The following IL1RL2 variants were observed in gnomAD, a reference collection of about 807,000 sequenced individuals.
IL1RL2 encodes the protein interleukin 1 receptor like 2, also known as interleukin-1 receptor-like 2.
IL1RL2 carries 68 observed loss-of-function variants against 66.8 expected under a neutral mutation model. The observed-to-expected ratio is 1.02, with a 90% CI of 0.84 to 1.25. The LOEUF (loss-of-function observed/expected upper bound fraction) is 1.25. IL1RL2 is among the 50% of genes most tolerant of loss of function. The probability of loss-of-function intolerance (pLI) is 0.00; values close to 1 mark genes in which losing one functional copy is unlikely to be tolerated. For missense variants in IL1RL2, 729 were observed against 709.3 expected (o/e 1.03, Z -0.32); for synonymous variants, 305 against 264.6 (o/e 1.15, Z -1.48).
intron 4 of IL1RL2, among the ~76,000 whole-genome samples, chr2:102,193,831 T>C (rs1687438702): frequency 6.6e-6 from 1 of 152,240 alleles, no homozygotes; most frequent in African/African-American, 2.4e-5. Flanking sequence ...GATCCTCTTC[T>C]GAACTGCCCA....
intron 9 of IL1RL2, among the ~76,000 whole-genome samples, chr2:102,228,805 C>T (rs1162998966): frequency 6.6e-6 from 1 of 152,216 alleles, no homozygotes; most frequent in Non-Finnish European, 1.5e-5. Flanking sequence ...CCACTGTGTG[C>T]CATTCACAAC....
intron 5 of IL1RL2, among the ~76,000 whole-genome samples, chr2:102,211,358 G>A (rs529467484): frequency 3.3e-4 from 50 of 152,248 alleles, no homozygotes; most frequent in African/African-American, 1.2e-3. Context: ...TCAATACAGG[G>A]AGATAATGCT....
At chr2:102,203,406 A>G (rs2104767278) in intron 5 of IL1RL2, among the ~76,000 whole-genome samples, 1 of 152,034 alleles carries the variant, frequency 6.6e-6, no homozygotes, top group South Asian at 2.1e-4. Context: ...GGCCTCATAA[A>G]ATGAATTTGG....
chr2:102,205,484 A>C (rs1245630139), intron 5 of IL1RL2, among the ~76,000 whole-genome samples: 1 of 152,032 alleles, frequency 6.6e-6, no homozygotes, highest in Non-Finnish European at 1.5e-5. Flanking sequence ...GGGAAAGTCT[A>C]TTTCTTCTTC....
In IL1RL2 at chr2:102,219,101, T is replaced by A; in HGVS notation, c.854+19T>A. On this transcript the variant is annotated intron_variant, in intron 7 of 11. Coordinates refer to ENST00000264257, the MANE Select transcript of IL1RL2 (RefSeq NM_003854.4). ...GGGTGGAGTAGGTGTTTTGCTTTTT[T>A]GACTTCTCTAAACGCTAGCAAGGAT... is the stretch of plus-strand genomic sequence containing the variant. 1 of 1,613,582 alleles carries A rather than the reference T, an allele frequency of 6.2e-7. No homozygotes were observed. Among genetic ancestry groups the A allele is most frequent in the South Asian group, 1.1e-5 (1 of 91,076 alleles).
At chr2:102,221,519 CGTT>C (rs1168128800) in intron 8 of IL1RL2, among the ~76,000 whole-genome samples, 1 of 152,158 alleles carries the variant, frequency 6.6e-6, no homozygotes, top group Admixed American at 6.5e-5. Flanking sequence ...GTATCTTCCA[CGTT>C]GTTCAGGCTC....
intron 8 of IL1RL2, among the ~76,000 whole-genome samples, chr2:102,220,586 G>T (rs140591907): frequency 6.6e-6 from 1 of 152,130 alleles, no homozygotes; most frequent in Non-Finnish European, 1.5e-5. Context: ...CTTTAAATTC[G>T]TAACCTATCA....
intron 9 of IL1RL2, among the ~76,000 whole-genome samples, chr2:102,228,097 G>T (rs1690793548): frequency 6.6e-6 from 1 of 152,162 alleles, no homozygotes; most frequent in African/African-American, 2.4e-5. Context: ...GCAGCCAGGG[G>T]TCCTTTTTTT....
In IL1RL2 at chr2:102,187,837, T is replaced by G; in HGVS notation, c.-12-19T>G. 1.7e-6 allele frequency: 2 copies of G among 1,181,612 alleles called. No homozygotes were observed. Among genetic ancestry groups the G allele is most frequent in the Non-Finnish European group, 2.4e-6 (2 of 837,670 alleles). 73.2% of individuals were successfully genotyped at this position (1,181,612 alleles called of 1,614,324 possible). Reference sequence around the variant, plus strand: ...CCTACTGCGTCCTCCCCTCCCACCCTCTTCTCCCTTCCTTGCAGCCCGGTT... The same window carrying G: ...CCTACTGCGTCCTCCCCTCCCACCCGCTTCTCCCTTCCTTGCAGCCCGGTT... On this transcript the variant is annotated intron_variant, in intron 1 of 11. Transcript: ENST00000264257.
chr2:102,201,823 T>C, intron 5 of IL1RL2, 108 bp downstream of exon 5: 1 of 1,080,932 alleles, frequency 9.3e-7, no homozygotes, highest in Non-Finnish European at 1.3e-6. Flanking sequence ...TAGGTCTTGG[T>C]TTCCCTGAAG....
At chr2:102,196,987 C>T (rs1422258289) in intron 4 of IL1RL2, among the ~76,000 whole-genome samples, 1 of 152,146 alleles carries the variant, frequency 6.6e-6, no homozygotes, top group African/African-American at 2.4e-5. Context: ...GCATGCTGAT[C>T]ATTTGGACTA....
In IL1RL2 at chr2:102,219,920, A is replaced by G. The variant is rs752379134; in HGVS notation, c.894A>G (p.Val298=). The change falls in exon 8 of 12, where the codon GTA becomes GTG. Residue 298 remains valine, a synonymous_variant. Coordinates refer to ENST00000264257, the MANE Select transcript of IL1RL2 (RefSeq NM_003854.4). ...VSFREHNLYT[V]NITFLEVKME... is the part of the protein sequence containing the mutation. ...TTCGGGAACATAATTTGTACACAGT[A>G]AACATCACCTTCTTGGAAGTGAAAA... 6.2e-6 allele frequency: 10 copies of G among 1,613,548 alleles called. No homozygotes were observed. Among genetic ancestry groups the G allele is most frequent in the African/African-American group, 2.7e-5 (2 of 74,914 alleles).
At chr2:102,234,158 A>G (rs911223577) in intron 10 of IL1RL2, among the ~76,000 whole-genome samples, 1 of 152,238 alleles carries the variant, frequency 6.6e-6, no homozygotes, top group African/African-American at 2.4e-5. Context: ...TTAAATAACT[A>G]TAAAGAACAA....
In IL1RL2 at chr2:102,221,803, C is replaced by T. The variant is rs574763117; in HGVS notation, c.991+1786C>T. On this transcript the variant is annotated intron_variant, in intron 8 of 11. Coordinates refer to ENST00000264257, the MANE Select transcript of IL1RL2 (RefSeq NM_003854.4). ...TGAGGAGGATAGCGACTTCCTTCCA[C>T]GACTGTTGTAAGAATCAGCTGGAAT... Among the ~76,000 whole-genome samples, 22 of 152,314 alleles carry T rather than the reference C, an allele frequency of 1.4e-4. No homozygotes were observed. In the South Asian group the frequency reaches 3.5e-3, roughly 24 times the overall value.
At position 102,187,024 on chromosome 2, in the gene IL1RL2, C is replaced by T. The variant is rs1387439955; in HGVS notation, c.-75C>T. ...TAGGCATGGAAGTGGCATGACAGGG[C>T]TCGTGTCCCTGTCATATTTTCCACT... On this transcript the variant is annotated 5_prime_UTR_variant, in exon 1 of 12. Transcript: ENST00000264257. 4.7e-6 allele frequency: 6 copies of T among 1,289,762 alleles called. No homozygotes were observed. Among genetic ancestry groups the T allele is most frequent in the African/African-American group, 1.5e-5 (1 of 65,992 alleles). 79.9% of individuals were successfully genotyped at this position (1,289,762 alleles called of 1,614,324 possible).
At chr2:102,201,373 A>T (rs2302624) in intron 4 of IL1RL2, among the ~76,000 whole-genome samples, 183 bp from the exon 5 acceptor site, 1 of 151,984 alleles carries the variant, frequency 6.6e-6, no homozygotes, top group Non-Finnish European at 1.5e-5. Context: ...TATACAGACT[A>T]GGCAGGGAAT....
At chr2:102,222,222 T>C (rs1690203879) in intron 8 of IL1RL2, among the ~76,000 whole-genome samples, 1 of 152,252 alleles carries the variant, frequency 6.6e-6, no homozygotes, top group African/African-American at 2.4e-5. Flanking sequence ...TTCATTAATT[T>C]ACGTTGCCGT....
Position 102,218,963 on chromosome 2 carries a change from G to C in IL1RL2, c.735G>C (p.Leu245=). The C allele has an allele frequency of 6.2e-7, 1 of 1,612,760 alleles. No homozygotes were observed. Among genetic ancestry groups the C allele is most frequent in the Non-Finnish European group, 8.5e-7 (1 of 1,179,094 alleles). ...HSIEVQLGTT[L]IVDCNVTDTK... is the part of the protein sequence containing the mutation. Reference sequence around the variant, plus strand: ...ATTGGTTTTTTTTAGGTACCACTCTGATTGTGGACTGCAATGTAACAGACA... The same window carrying C: ...ATTGGTTTTTTTTAGGTACCACTCTCATTGTGGACTGCAATGTAACAGACA... Residue 245 remains leucine (L), a synonymous_variant, in exon 7 of 12, where the codon CTG becomes CTC. Coordinates refer to ENST00000264257, the MANE Select transcript of IL1RL2 (RefSeq NM_003854.4).
intron 9 of IL1RL2, among the ~76,000 whole-genome samples, chr2:102,228,052 C>T (rs35377072): frequency 0.051 from 7,770 of 152,254 alleles, 222 homozygotes; most frequent in Middle Eastern, 0.14. Flanking sequence ...GATTCTGCAA[C>T]AGTGGGCAGA....
Sources: allele counts gnomAD v4.1 joint callset (sites outside exome capture counted in the v4.1 genomes callset), GRCh38; gene constraint gnomAD v4.1.1; transcripts MANE v1.5; gene names NCBI Gene and HGNC (gene_info 2026-07-23, HGNC 2026-07-21).